The following GSK3B variants were observed in gnomAD, a reference collection of about 807,000 sequenced individuals.
GSK3B encodes the protein glycogen synthase kinase 3 beta, also known as glycogen synthase kinase-3 beta.
A neutral mutation model predicts 56.4 loss-of-function variants in GSK3B; 15 were observed. The ratio of observed to expected loss-of-function variants is 0.27; its 90% CI spans 0.18 to 0.41. The LOEUF is 0.41. Among genes scored for constraint, GSK3B ranks in the 10% least tolerant of loss-of-function variants. The pLI is 1.00. For missense variants in GSK3B, 300 were observed against 513.4 expected, an observed-to-expected ratio of 0.58 and a Z score of 4.02; for synonymous variants, 181 against 188.9, an observed-to-expected ratio of 0.96 and a Z score of 0.34.
chr3:120,080,009 T>C (rs2058404448), intron 1 of GSK3B, among the ~76,000 whole-genome samples: 1 of 152,158 alleles, frequency 6.6e-6, no homozygotes, highest in African/African-American at 2.4e-5. Context: ...AGAATTTGTA[T>C]TATGGCCAGG....
chr3:120,040,668 T>A (rs2058058484), intron 1 of GSK3B, among the ~76,000 whole-genome samples: 1 of 151,098 alleles, frequency 6.6e-6, no homozygotes, highest in Non-Finnish European at 1.5e-5. Flanking sequence ...ACAAAGATAG[T>A]CCCCCCAATC....
At chr3:119,941,506 T>C (rs1007443997) in intron 3 of GSK3B, among the ~76,000 whole-genome samples, 2 of 152,232 alleles carry the variant, frequency 1.3e-5, no homozygotes, top group Non-Finnish European at 2.9e-5. Flanking sequence ...AGTAGTTGTA[T>C]GGTAACTTAC....
intron 1 of GSK3B, among the ~76,000 whole-genome samples, chr3:120,033,597 T>C (rs2057996421): frequency 6.6e-6 from 1 of 152,202 alleles, no homozygotes; most frequent in East Asian, 1.9e-4. Flanking sequence ...CGTGCATTGA[T>C]ATGGTTTTGC....
intron 2 of GSK3B, among the ~76,000 whole-genome samples, chr3:119,961,675 C>T (rs1014471575): frequency 2.0e-5 from 3 of 150,614 alleles, no homozygotes; most frequent in African/African-American, 7.3e-5. Context: ...ACAAAATTCA[C>T]CCCCCTTTCA....
chr3:119,884,823 G>A (rs2056417021), intron 7 of GSK3B, among the ~76,000 whole-genome samples: 2 of 151,936 alleles, frequency 1.3e-5, no homozygotes, highest in Admixed American at 1.3e-4. Context: ...AAAAAACCCT[G>A]ATTTAAATAA....
At chr3:119,976,272 C>T (rs982277282) in intron 2 of GSK3B, among the ~76,000 whole-genome samples, 5 of 151,998 alleles carry the variant, frequency 3.3e-5, no homozygotes, top group African/African-American at 9.7e-5. Context: ...AAACTTGACA[C>T]AAATATTCAT....
chr3:119,862,667 GTTTTTT>G lies in GSK3B; in HGVS notation c.1096+746_1096+751del, dbSNP rs79778347. Among the ~76,000 whole-genome samples, 7 of 110,398 alleles carry G rather than the reference GTTTTTT, an allele frequency of 6.3e-5. No homozygotes were observed. The South Asian group carries it at 8.8e-4, about 14-fold the overall frequency. The allele number at this position is 110,398 out of a possible 152,430, so 72.4% of individuals were successfully genotyped here. ...CTAATCAATATATCAACTATTTCTT[GTTTTTT>G]TTTTTTTTTTTTTGTAATGAATTGT... is the stretch of plus-strand genomic sequence containing the variant. On this transcript the variant is annotated intron_variant, in intron 9 of 10. Coordinates refer to ENST00000264235, the MANE Select transcript of GSK3B (RefSeq NM_001146156.2).
At chr3:119,975,868 T>C (rs1576241871) in intron 2 of GSK3B, among the ~76,000 whole-genome samples, 1 of 152,334 alleles carries the variant, frequency 6.6e-6, no homozygotes, top group East Asian at 1.9e-4. Context: ...TGAGTGTATA[T>C]ATGGCAATTC....
At chr3:120,019,251 T>C (rs2057852354) in intron 1 of GSK3B, among the ~76,000 whole-genome samples, 1 of 151,610 alleles carries the variant, frequency 6.6e-6, no homozygotes, top group African/African-American at 2.4e-5. Flanking sequence ...ATGTACCATG[T>C]TATGAAAAAA....
chr3:119,978,541 C>T (rs558773396), intron 2 of GSK3B, among the ~76,000 whole-genome samples: 1 of 152,166 alleles, frequency 6.6e-6, no homozygotes, highest in Admixed American at 6.5e-5. Context: ...GTGCTGGGGG[C>T]AGAGGCTCTC....
intron 8 of GSK3B, among the ~76,000 whole-genome samples, chr3:119,869,106 C>T (rs895598039): frequency 1.6e-4 from 24 of 150,346 alleles, no homozygotes; most frequent in African/African-American, 5.6e-4. Flanking sequence ...TGCCTGTAAT[C>T]CCAGCTACTC....
intron 2 of GSK3B, among the ~76,000 whole-genome samples, chr3:119,997,546 C>T (rs1333284759): frequency 6.6e-6 from 1 of 152,204 alleles, no homozygotes; most frequent in African/African-American, 2.4e-5. Context: ...TAAATCTGCA[C>T]ATTCTGCCCA....
chr3:119,877,638 T>C (rs2056329582), intron 7 of GSK3B, among the ~76,000 whole-genome samples: 2 of 152,198 alleles, frequency 1.3e-5, no homozygotes, highest in Non-Finnish European at 2.9e-5. Context: ...GTGTCCCTTG[T>C]ATACAAGGAA....
chr3:119,916,253 A>T, intron 4 of GSK3B, 79 bp from the exon 5 acceptor site: 1 of 1,232,440 alleles, frequency 8.1e-7, no homozygotes. Flanking sequence ...ATAAAGTAAC[A>T]GATTCTCAGA....
chr3:119,927,503 G>A (rs1447069096), intron 3 of GSK3B, among the ~76,000 whole-genome samples: 1 of 152,138 alleles, frequency 6.6e-6, no homozygotes, highest in East Asian at 1.9e-4. Flanking sequence ...AAGAGATTGG[G>A]ATTAATTTAA....
rs17246737 is a variant in GSK3B, at chr3:120,001,977, A to G, written c.282+69T>C. On this transcript the variant is annotated intron_variant, in intron 2 of 10. Transcript: ENST00000264235. ...AAATTTGAAGCAAAAAGAAGCAACT[A>G]AAAAAATAATCATTTATGGTATATG... 0.016 allele frequency: 16,235 copies of G among 1,034,560 alleles called. 1,387 individuals carry two copies. The African/African-American group carries it at 0.21, about 13-fold the overall frequency. The allele number at this position is 1,034,560 out of a possible 1,614,324, so 64.1% of individuals were successfully genotyped here. A position where few individuals can be genotyped will look rare whatever the true frequency, so the allele number is the denominator to read the frequency against.
chr3:120,057,230 A>AT (rs1363957321), intron 1 of GSK3B, among the ~76,000 whole-genome samples: 2 of 152,184 alleles, frequency 1.3e-5, no homozygotes, highest in African/African-American at 4.8e-5. Flanking sequence ...TAAATCAACA[A>AT]TTTTTTTTAA....
chr3:119,878,068 G>A (rs1485025332), intron 7 of GSK3B, among the ~76,000 whole-genome samples: 2 of 152,124 alleles, frequency 1.3e-5, no homozygotes, highest in Non-Finnish European at 2.9e-5. Context: ...GGCAAAGTGA[G>A]AATTTGTTAT....
intron 10 of GSK3B, among the ~76,000 whole-genome samples, chr3:119,837,345 T>A (rs1403695105): frequency 6.6e-6 from 1 of 151,516 alleles, no homozygotes; most frequent in East Asian, 1.9e-4. Flanking sequence ...TTTTGTATAT[T>A]TAGTAGAGAC....
Sources: allele counts gnomAD v4.1 joint callset (sites outside exome capture counted in the v4.1 genomes callset), GRCh38; gene constraint gnomAD v4.1.1; transcripts MANE v1.5; gene names NCBI Gene and HGNC (gene_info 2026-07-23, HGNC 2026-07-21).